Variants in ATP11C observed in about 807,000 individuals in gnomAD.
ATP11C encodes the protein ATPase phospholipid transporting 11C (ATP11C blood group), also known as phospholipid-transporting ATPase IG.
ATP11C carries 36 observed loss-of-function variants against 97.4 expected under a neutral mutation model. The ratio of observed to expected loss-of-function variants is 0.37; its 90% confidence interval spans 0.28 to 0.49. The LOEUF is 0.49. Ranked by LOEUF, ATP11C falls within the 20% of genes least tolerant of loss-of-function variation. ATP11C has a pLI of 0.98. For synonymous variants in ATP11C, 275 were observed against 290.9 expected (o/e 0.95, Z 0.56); for missense variants, 730 against 824.6 (o/e 0.89, Z 1.40).
chrX:139,746,161 GT>G (rs2081681622), intron 24 of ATP11C, among the ~76,000 whole-genome samples: 1 of 111,583 alleles, frequency 9.0e-6, no homozygotes, highest in Non-Finnish European at 1.9e-5. Flanking sequence ...TGGGTTCACA[GT>G]TTTACAGACA....
chrX:139,777,997 A>C (rs1479045970), intron 18 of ATP11C, among the ~76,000 whole-genome samples: 1 of 109,775 alleles, frequency 9.1e-6, no homozygotes, highest in East Asian at 2.9e-4. Flanking sequence ...CTGAGACTAC[A>C]AGCACGTGTC....
At chrX:139,886,888 T>C (rs1424948518) in intron 1 of ATP11C, among the ~76,000 whole-genome samples, 1 of 108,794 alleles carries the variant, frequency 9.2e-6, no homozygotes, top group African/African-American at 3.3e-5. Flanking sequence ...TAATTTAGGA[T>C]AACCTAAACA....
chrX:139,808,437 C>A (rs981256764), intron 5 of ATP11C, among the ~76,000 whole-genome samples: 1 of 111,505 alleles, frequency 9.0e-6, no homozygotes, highest in Non-Finnish European at 1.9e-5. Flanking sequence ...ATATCATAGT[C>A]AAACTGCTGA....
intron 29 of ATP11C, among the ~76,000 whole-genome samples, chrX:139,729,471 A>T (rs1002117900): frequency 8.9e-6 from 1 of 111,752 alleles, no homozygotes; most frequent in African/African-American, 3.2e-5. Context: ...TTATTGTGAA[A>T]ATATTCTTCC....
intron 6 of ATP11C, among the ~76,000 whole-genome samples, chrX:139,802,972 C>T (rs1412485850): frequency 2.7e-5 from 3 of 111,683 alleles, no homozygotes; most frequent in Non-Finnish European, 3.8e-5. Flanking sequence ...TCAAGGCAGG[C>T]GCCAATGAAC....
chrX:139,789,095 C>T (rs1459341005), intron 13 of ATP11C, among the ~76,000 whole-genome samples: 3 of 109,326 alleles, frequency 2.7e-5, no homozygotes, highest in Non-Finnish European at 5.7e-5. Context: ...CCCAGCTACT[C>T]GGGAGGCTGA....
At chrX:139,777,867 C>T (rs781745405) in intron 18 of ATP11C, among the ~76,000 whole-genome samples, 1 of 109,257 alleles carries the variant, frequency 9.2e-6, no homozygotes, top group Non-Finnish European at 1.9e-5. Context: ...TGTAGTTTGG[C>T]CTTTTTTTTT....
At chrX:139,757,416 G>A (rs1442094545) in intron 23 of ATP11C, among the ~76,000 whole-genome samples, 3 of 111,656 alleles carry the variant, frequency 2.7e-5, no homozygotes, top group Admixed American at 9.5e-5. Flanking sequence ...GCTTTCTCTA[G>A]GAATCACAGG....
intron 1 of ATP11C, among the ~76,000 whole-genome samples, chrX:139,847,002 C>G (rs979225872): frequency 9.1e-6 from 1 of 110,452 alleles, no homozygotes; most frequent in Non-Finnish European, 1.9e-5. Flanking sequence ...AATTGCCTAT[C>G]CTGATCTACT....
intron 4 of ATP11C, among the ~76,000 whole-genome samples, chrX:139,816,156 G>A (rs933629017): frequency 2.7e-5 from 3 of 111,672 alleles, no homozygotes; most frequent in African/African-American, 9.8e-5. Context: ...ATAATGCTAA[G>A]AAGACCTTTG....
chrX:139,775,072 T>A (rs2082323642), intron 18 of ATP11C, 119 bp from the exon 19 acceptor site: 1 of 742,372 alleles, frequency 1.3e-6, no homozygotes, highest in Admixed American at 4.4e-5. Context: ...TGACACCTTA[T>A]CACGGTTGAC....
At chrX:139,737,715 T>C (rs751967578) in intron 28 of ATP11C, 2 of 503,759 alleles carry the variant, frequency 4.0e-6, no homozygotes, top group East Asian at 7.4e-5. Flanking sequence ...AGAACACTAT[T>C]AAGGAATCTA....
At chrX:139,735,674 A>G (rs537457381) in intron 28 of ATP11C, among the ~76,000 whole-genome samples, 1 of 111,375 alleles carries the variant, frequency 9.0e-6, no homozygotes, top group East Asian at 2.9e-4. Context: ...AGGGCCTTAT[A>G]TAAACAGATG....
intron 28 of ATP11C, among the ~76,000 whole-genome samples, chrX:139,733,339 A>G (rs972766532): frequency 6.2e-5 from 7 of 112,249 alleles, no homozygotes; most frequent in African/African-American, 2.3e-4. Context: ...GCAAAACAGA[A>G]GATGAGTGGT....
intron 2 of ATP11C, 55 bp from the exon 3 acceptor site, chrX:139,819,482 A>C (rs2083356560): frequency 2.0e-6 from 1 of 505,361 alleles, no homozygotes; most frequent in African/African-American, 2.4e-5. Flanking sequence ...GAAAAATCTT[A>C]ATAGTAATGA....
At chrX:139,856,687 G>A (rs897032913) in intron 1 of ATP11C, among the ~76,000 whole-genome samples, 4 of 112,275 alleles carry the variant, frequency 3.6e-5, no homozygotes, top group African/African-American at 1.3e-4. Flanking sequence ...TTTAAAGCCC[G>A]AAATCAAATA....
chrX:139,829,392 A>T (rs1335053528), intron 1 of ATP11C, among the ~76,000 whole-genome samples: 1 of 112,379 alleles, frequency 8.9e-6, no homozygotes, highest in Non-Finnish European at 1.9e-5. Context: ...AAGTAAATTC[A>T]ATGTAATTGC....
At chrX:139,832,148 A>G (rs1444761654) in intron 1 of ATP11C, 20 of 1,206,682 alleles carry the variant, frequency 1.7e-5, no homozygotes, top group Non-Finnish European at 2.2e-5. Context: ...AATATAGATT[A>G]CAAACCTCAG....
At chrX:139,872,934 C>G (rs2084401946) in intron 1 of ATP11C, among the ~76,000 whole-genome samples, 1 of 112,098 alleles carries the variant, frequency 8.9e-6, no homozygotes, top group Non-Finnish European at 1.9e-5. Flanking sequence ...AGGAACCACC[C>G]AGCAATAGGG....
Sources: gnomAD v4.1 joint callset for allele counts (sites outside exome capture counted in the v4.1 genomes callset) on GRCh38, gnomAD v4.1.1 for gene constraint, MANE v1.5 for transcripts, NCBI Gene and HGNC (gene_info 2026-07-23, HGNC 2026-07-21) for gene names.